Variants in MTR observed in about 807,000 individuals in gnomAD.
MTR encodes the protein methionine synthase.
A neutral mutation model predicts 154.8 loss-of-function variants in MTR; 84 were observed. The observed-to-expected ratio is 0.54, with a 90% CI of 0.45 to 0.65. The LOEUF (loss-of-function observed/expected upper bound fraction) is 0.65. MTR is among the 30% of genes least tolerant of loss of function. MTR has a pLI of 0.00. For synonymous variants in MTR, 554 were observed against 553.9 expected (o/e 1.00, Z 0.00); for missense variants, 1,275 against 1,570.2 (o/e 0.81, Z 3.18).
chr1:236,869,548 A>G (rs1665006522), intron 22 of MTR, among the ~76,000 whole-genome samples: 1 of 152,204 alleles, frequency 6.6e-6, no homozygotes, highest in Non-Finnish European at 1.5e-5. Context: ...AACTTCCGTA[A>G]CATTCATTTT....
At chr1:236,894,699 A>G in intron 30 of MTR, 142 bp downstream of exon 30, 1 of 746,540 alleles carries the variant, frequency 1.3e-6, no homozygotes, top group Non-Finnish European at 2.2e-6. Flanking sequence ...GCTGGCTTTA[A>G]CATTATACGT....
Position 236,850,614 on chromosome 1 carries a change from CTGA to C in MTR, c.1695+95_1695+97del, listed in dbSNP as rs35913043. The C allele has an allele frequency of 0.44, 526,354 of 1,187,914 alleles. 120,092 individuals carry two copies. Among genetic ancestry groups the C allele is most frequent in the East Asian group, 0.66 (27,670 of 41,622 alleles). The allele number at this position is 1,187,914 out of a possible 1,614,324, so 73.6% of individuals were successfully genotyped here. On this transcript the variant is annotated intron_variant, in intron 16 of 32. Coordinates refer to ENST00000366577, the MANE Select transcript of MTR (RefSeq NM_000254.3). ...TAGAACTAACTTATATATTTATTGG[CTGA>C]TGAAATGTTAACATTCTTAGTTAGT...
Position 236,819,108 on chromosome 1 carries a change from A to G in MTR, c.764+2565A>G, listed in dbSNP as rs139000776. Among the ~76,000 whole-genome samples the G allele has an allele frequency of 3.7e-3, 560 of 152,322 alleles. 8 individuals are homozygous for G. The highest frequency in any genetic ancestry group is 0.032 in the Admixed American group (483 of 15,302). On this transcript the variant is annotated intron_variant, in intron 8 of 32. Coordinates refer to ENST00000366577, the MANE Select transcript of MTR (RefSeq NM_000254.3). ...TTACAATATGAACCAATATCAATAC[A>G]TTATTAACTGAAGTCTGTAGTTTAC...
chr1:236,859,062 T>C (rs10925252), intron 18 of MTR, among the ~76,000 whole-genome samples: 53,497 of 152,188 alleles, frequency 0.35, 10,199 homozygotes, highest in East Asian at 0.44. Flanking sequence ...TGTCTTACTC[T>C]GTTTTCTTTG....
chr1:236,895,164 T>A lies in MTR; in HGVS notation c.3406-194T>A, dbSNP rs1666552006. The A allele has an allele frequency of 1.3e-5, 9 of 671,398 alleles. No individual in the cohort carries two copies. In the East Asian group the frequency reaches 2.5e-4, roughly 18 times the overall value. The allele number at this position is 671,398 out of a possible 1,614,324, so 41.6% of individuals were successfully genotyped here. ...TCAGAGCTCAGGTTGAGGCCAAAAT[T>A]GAGCTGCAGAGCAGCAGCTGATGAA... is the stretch of plus-strand genomic sequence containing the variant. On this transcript the variant is annotated intron_variant, in intron 30 of 32. Transcript: ENST00000366577.
chr1:236,869,941 C>T (rs1225987494), intron 22 of MTR, among the ~76,000 whole-genome samples: 3 of 152,208 alleles, frequency 2.0e-5, no homozygotes, highest in Non-Finnish European at 2.9e-5. Context: ...GGTTGTCACC[C>T]ATTTTGGGCC....
At chr1:236,819,042 TTCTC>T in intron 8 of MTR, among the ~76,000 whole-genome samples, 1 of 152,320 alleles carries the variant, frequency 6.6e-6, no homozygotes, top group African/African-American at 2.4e-5. Flanking sequence ...AGTCTCAAAA[TTCTC>T]TCATTATCAA....
intron 25 of MTR, among the ~76,000 whole-genome samples, chr1:236,883,121 A>C (rs1665840118): frequency 1.3e-5 from 2 of 152,164 alleles, no homozygotes; most frequent in African/African-American, 4.8e-5. Flanking sequence ...CCAATATTTT[A>C]TTCTTTTTAA....
chr1:236,811,713 C>G, intron 5 of MTR: 1 of 456,028 alleles, frequency 2.2e-6, no homozygotes, highest in Non-Finnish European at 4.4e-6. Context: ...TAAGTCTTCA[C>G]TTAACGTCAT....
intron 14 of MTR, 107 bp from the exon 15 acceptor site, chr1:236,838,307 G>A: frequency 8.7e-7 from 1 of 1,154,646 alleles, no homozygotes; most frequent in East Asian, 2.3e-5. Context: ...ACTATTTTTT[G>A]TTTATTGTTT....
chr1:236,850,456 T>C lies in MTR; in HGVS notation c.1628T>C (p.Ile543Thr), dbSNP rs200362373. The C allele has an allele frequency of 1.4e-5, 22 of 1,613,660 alleles. No individual in the cohort carries two copies. Among genetic ancestry groups the C allele is most frequent in the Non-Finnish European group, 1.7e-6 (2 of 1,179,898 alleles). ...ATTTTTGACCCTAATATCCTAACCATTGGGACTGGAATGGAGGAACACAAC... is the reference window on the plus strand; with the variant it reads ...ATTTTTGACCCTAATATCCTAACCACTGGGACTGGAATGGAGGAACACAAC... ...DIIFDPNILT[I>T]GTGMEEHNLY... The change falls in exon 16 of 33, where the codon ATT becomes ACT. Residue 543 changes from isoleucine (I) to threonine (T), a missense_variant. By Grantham distance (89) the Ile-to-Thr change is moderately conservative. Coordinates refer to ENST00000366577, the MANE Select transcript of MTR (RefSeq NM_000254.3).
intron 15 of MTR, among the ~76,000 whole-genome samples, chr1:236,839,737 A>T (rs530689683): frequency 6.6e-6 from 1 of 152,226 alleles, no homozygotes; most frequent in African/African-American, 2.4e-5. Context: ...TGAGTGTATA[A>T]GGATATGTGT....
Position 236,811,728 on chromosome 1 carries a change from A to G in MTR, c.503-1010A>G, listed in dbSNP as rs1432507240. On this transcript the variant is annotated intron_variant, in intron 5 of 32. Coordinates refer to ENST00000366577, the MANE Select transcript of MTR (RefSeq NM_000254.3). The stretch of plus-strand genomic sequence containing the variant: ...TAAGTCTTCACTTAACGTCATTGGC[A>G]GGTTTTTGAAAACTGCATCTTTAAG... The G allele has an allele frequency of 8.8e-6, 4 of 455,226 alleles. No homozygotes were observed. The Admixed American group carries it at 9.4e-5, about 11-fold the overall frequency. The allele number at this position is 455,226 out of a possible 1,614,324, so 28.2% of individuals were successfully genotyped here.
chr1:236,864,350 A>G (rs964182830), intron 22 of MTR, among the ~76,000 whole-genome samples: 6 of 152,164 alleles, frequency 3.9e-5, no homozygotes, highest in African/African-American at 1.4e-4. Flanking sequence ...CTGTCAAGTA[A>G]CAATTACCTG....
intron 15 of MTR, among the ~76,000 whole-genome samples, chr1:236,841,983 C>G (rs902789956): frequency 1.1e-4 from 16 of 151,946 alleles, no homozygotes; most frequent in Admixed American, 2.6e-4. Flanking sequence ...CTCCGCCCCC[C>G]GGGGTTCACG....
intron 15 of MTR, among the ~76,000 whole-genome samples, chr1:236,842,672 C>G (rs1257108938): frequency 2.0e-5 from 3 of 151,812 alleles, no homozygotes; most frequent in African/African-American, 7.3e-5. Context: ...GTGCCAGGCC[C>G]TATCCCTATT....
intron 31 of MTR, 124 bp from the exon 32 acceptor site, chr1:236,896,882 A>C (rs1319605228): frequency 6.4e-6 from 5 of 786,252 alleles, no homozygotes. Flanking sequence ...TCATGTGTCT[A>C]CCTAGAAGGC....
rs1238100730 is a variant in MTR at position 236,810,485 on chromosome 1, G to C, written c.410-18G>C. ...TCAGCCACTTAGAGATCTCACACTT[G>C]TTTTTCTTTTCCCAAAGGAATTAAG... On this transcript the variant is annotated intron_variant, in intron 4 of 32. Transcript: ENST00000366577. 6.2e-7 allele frequency: 1 copy of C among 1,606,202 alleles called. No individual in the cohort carries two copies. The highest frequency in any genetic ancestry group is 1.1e-5 in the South Asian group (1 of 90,938).
chr1:236,873,589 G>T (rs533246405), intron 22 of MTR, among the ~76,000 whole-genome samples, 184 bp from the exon 23 acceptor site: 5 of 152,314 alleles, frequency 3.3e-5, no homozygotes, highest in Middle Eastern at 3.4e-3. Context: ...AGTGCCTGGC[G>T]TATATGTAGT....
Sources: gnomAD v4.1 joint callset for allele counts (sites outside exome capture counted in the v4.1 genomes callset) on GRCh38, gnomAD v4.1.1 for gene constraint, MANE v1.5 for transcripts, NCBI Gene and HGNC (gene_info 2026-07-23, HGNC 2026-07-21) for gene names.